Variants in SAMTOR observed in about 807,000 individuals in gnomAD.
The protein encoded by SAMTOR is S-adenosylmethionine sensor upstream of mTORC1, also known as UPF0532 protein C7orf60.
the SAMTOR span, among the ~76,000 whole-genome samples, chr7:112,903,455 A>T: frequency 6.6e-6 from 1 of 152,154 alleles, no homozygotes; most frequent in African/African-American, 2.4e-5. Flanking sequence ...AAAAAAAAAA[A>T]ATACAGGTAT....
the SAMTOR span, among the ~76,000 whole-genome samples, chr7:112,872,944 C>A: frequency 4.6e-5 from 7 of 151,406 alleles, no homozygotes; most frequent in Admixed American, 2.0e-4. Context: ...CGTGTGTGCA[C>A]GTGCGTGCAC....
chr7:112,917,229 C>T, the SAMTOR span, among the ~76,000 whole-genome samples: 6 of 152,170 alleles, frequency 3.9e-5, no homozygotes, highest in East Asian at 1.9e-4. Flanking sequence ...ACACCTCACA[C>T]GGCCGGGTAC....
the SAMTOR span, among the ~76,000 whole-genome samples, chr7:112,926,233 G>T: frequency 6.6e-6 from 1 of 152,132 alleles, no homozygotes; most frequent in African/African-American, 2.4e-5. Context: ...AGGACAAAGG[G>T]TGTGCTATGT....
the SAMTOR span, among the ~76,000 whole-genome samples, chr7:112,932,828 T>C: frequency 1.3e-5 from 2 of 152,020 alleles, no homozygotes; most frequent in African/African-American, 4.8e-5. Context: ...GTTTCAAGAG[T>C]TTACATTACA....
the SAMTOR span, among the ~76,000 whole-genome samples, chr7:112,869,976 T>C: frequency 3.9e-5 from 6 of 152,152 alleles, no homozygotes; most frequent in Non-Finnish European, 8.8e-5. Flanking sequence ...GCTCAAAGAC[T>C]GGTTCTTCAA....
At chr7:112,926,321 A>G in the SAMTOR span, among the ~76,000 whole-genome samples, 3 of 152,204 alleles carry the variant, frequency 2.0e-5, no homozygotes, top group African/African-American at 7.2e-5. Flanking sequence ...AATTTACTCT[A>G]TAATTATTCT....
At chr7:112,866,355 G>C in the SAMTOR span, among the ~76,000 whole-genome samples, 6 of 152,108 alleles carry the variant, frequency 3.9e-5, no homozygotes, top group Admixed American at 3.3e-4. Context: ...CCAGGAATTT[G>C]GCTATTATCC....
chr7:112,888,851 C>G, the SAMTOR span, among the ~76,000 whole-genome samples: 1 of 152,046 alleles, frequency 6.6e-6, no homozygotes, highest in Non-Finnish European at 1.5e-5. Context: ...TTTATTTCAT[C>G]TACATATTTA....
chr7:112,911,222 C>CTT, the SAMTOR span, among the ~76,000 whole-genome samples: 5 of 152,152 alleles, frequency 3.3e-5, no homozygotes, highest in African/African-American at 7.2e-5. Context: ...GTGAAGGCAG[C>CTT]AACAGCACTG....
At chr7:112,876,864 T>A in the SAMTOR span, among the ~76,000 whole-genome samples, 1 of 152,192 alleles carries the variant, frequency 6.6e-6, no homozygotes, top group African/African-American at 2.4e-5. Flanking sequence ...TGTTAATCTT[T>A]TCTTTCTCAC....
chr7:112,882,970 A>G, the SAMTOR span, among the ~76,000 whole-genome samples: 1 of 152,210 alleles, frequency 6.6e-6, no homozygotes, highest in East Asian at 1.9e-4. Context: ...AATCACGTTT[A>G]AACTGTTATA....
the SAMTOR span, among the ~76,000 whole-genome samples, chr7:112,833,242 TA>T: frequency 6.6e-6 from 1 of 152,004 alleles, no homozygotes; most frequent in Non-Finnish European, 1.5e-5. Context: ...AGAGTGAGAG[TA>T]AAAAACAAAT....
chr7:112,827,790 T>TG, the SAMTOR span, among the ~76,000 whole-genome samples: 1 of 152,186 alleles, frequency 6.6e-6, no homozygotes, highest in Non-Finnish European at 1.5e-5. Flanking sequence ...GGCACAATCT[T>TG]GGATCACTGC....
the SAMTOR span, among the ~76,000 whole-genome samples, chr7:112,861,954 G>A: frequency 6.6e-6 from 1 of 152,124 alleles, no homozygotes; most frequent in African/African-American, 2.4e-5. Context: ...TGTACTAAAT[G>A]GTAAACAATT....
At chr7:112,925,283 T>G in the SAMTOR span, among the ~76,000 whole-genome samples, 214 of 152,348 alleles carry the variant, frequency 1.4e-3, 4 homozygotes, top group East Asian at 0.037. Context: ...TGTATAATTT[T>G]AAAGGTGAAT....
At chr7:112,880,185 T>C in the SAMTOR span, among the ~76,000 whole-genome samples, 2 of 152,162 alleles carry the variant, frequency 1.3e-5, no homozygotes, top group Non-Finnish European at 2.9e-5. Flanking sequence ...GACATTCTTC[T>C]AAAAAATTTG....
chr7:112,887,963 C>T, the SAMTOR span, among the ~76,000 whole-genome samples: 1 of 151,890 alleles, frequency 6.6e-6, no homozygotes, highest in Admixed American at 6.6e-5. Flanking sequence ...TCTAATTTTT[C>T]TTTTCTTCTG....
At chr7:112,866,210 G>A in the SAMTOR span, among the ~76,000 whole-genome samples, 2 of 152,104 alleles carry the variant, frequency 1.3e-5, no homozygotes, top group Non-Finnish European at 2.9e-5. Flanking sequence ...TGTATAGAGA[G>A]CTGAACTGAG....
At chr7:112,842,893 A>C in the SAMTOR span, among the ~76,000 whole-genome samples, 2 of 152,046 alleles carry the variant, frequency 1.3e-5, no homozygotes, top group Non-Finnish European at 2.9e-5. Context: ...TATGCAATGC[A>C]CATAGCAGGA....
Sources: gnomAD v4.1 joint callset for allele counts (sites outside exome capture counted in the v4.1 genomes callset) on GRCh38, gnomAD v4.1.1 for gene constraint, MANE v1.5 for transcripts, NCBI Gene and HGNC (gene_info 2026-07-23, HGNC 2026-07-21) for gene names.